KIF1B: variants seen among roughly 807,000 people sequenced by gnomAD.
KIF1B encodes kinesin-like protein KIF1B.
In KIF1B, 76 loss-of-function variants were observed where a neutral mutation model predicts 241.9. That is an observed-to-expected ratio of 0.31 (90% CI 0.26 to 0.38). The LOEUF is 0.38. Ranked by LOEUF, KIF1B falls within the 10% of genes least tolerant of loss-of-function variation. KIF1B has a pLI of 1.00. For missense variants in KIF1B, 1,622 were observed against 2,271.4 expected (o/e 0.71, Z 5.81); for synonymous variants, 750 against 796.7 (o/e 0.94, Z 0.99).
Position 10,285,473 on chromosome 1 carries a change from G to A in KIF1B, c.1434+2940G>A, listed in dbSNP as rs373961499. Reference sequence around the variant, plus strand: ...TCATTATTCAGGGAACTCTCCTTCCGACTTCCCTATGTCCCACTAAAGCAA... The same window carrying A: ...TCATTATTCAGGGAACTCTCCTTCCAACTTCCCTATGTCCCACTAAAGCAA... On this transcript the variant is annotated intron_variant, in intron 15 of 48. Coordinates refer to ENST00000676179, the MANE Select transcript of KIF1B (RefSeq NM_001365951.3). Among the ~76,000 whole-genome samples, 86 of 152,240 alleles carry A rather than the reference G, an allele frequency of 5.6e-4. 1 individual carries two copies. The highest frequency in any genetic ancestry group is 2.0e-3 in the African/African-American group (84 of 41,544).
intron 22 of KIF1B, chr1:10,306,187 A>T: frequency 9.6e-7 from 1 of 1,039,384 alleles, no homozygotes; most frequent in Non-Finnish European, 1.2e-6. Context: ...AAGCTTTGAG[A>T]GATATTTTTG....
intron 22 of KIF1B, 51 bp from the exon 23 acceptor site, chr1:10,319,991 GC>G (rs1651458320): frequency 8.5e-7 from 1 of 1,172,088 alleles, no homozygotes; most frequent in Admixed American, 1.8e-5. Flanking sequence ...CTCTTTCCCT[GC>G]CCTCTTATTT....
intron 25 of KIF1B, among the ~76,000 whole-genome samples, chr1:10,324,357 T>C (rs1317927133): frequency 6.6e-6 from 1 of 152,252 alleles, no homozygotes; most frequent in African/African-American, 2.4e-5. Flanking sequence ...TTGGAACTTA[T>C]TTATTTTTTC....
At chr1:10,212,857 T>C (rs1174273584) in intron 1 of KIF1B, among the ~76,000 whole-genome samples, 1 of 80,744 alleles carries the variant, frequency 1.2e-5, no homozygotes, top group African/African-American at 4.0e-5. Context: ...AAAAAATGTG[T>C]ATATATATAT....
intron 35 of KIF1B, among the ~76,000 whole-genome samples, chr1:10,347,165 CA>C (rs1364969244): frequency 6.6e-6 from 1 of 152,184 alleles, no homozygotes; most frequent in Non-Finnish European, 1.5e-5. Context: ...GGGGCTGTAT[CA>C]GTTAATATAA....
Position 10,260,849 on chromosome 1 carries a change from A to G in KIF1B, c.364-1056A>G, listed in dbSNP as rs1166286095. On this transcript the variant is annotated intron_variant, in intron 4 of 48. Coordinates refer to ENST00000676179, the MANE Select transcript of KIF1B (RefSeq NM_001365951.3). ...GCCATTGCACTCTAGCATGAGCAAC[A>G]AGAGTGAAACTCGGTCTCAAAAAAA... is the stretch of plus-strand genomic sequence containing the variant. 2.6e-5 allele frequency among the ~76,000 whole-genome samples: 4 copies of G among 151,688 alleles called. No homozygotes were observed. The East Asian group carries it at 7.7e-4, about 29-fold the overall frequency.
chr1:10,337,669 C>A lies in KIF1B; in HGVS notation c.3422+136C>A. On this transcript the variant is annotated intron_variant, in intron 31 of 48. Transcript: ENST00000676179. The surrounding 1 kb of genome is among the most constrained non-coding windows in gnomAD (Gnocchi z 4.0). ...ACTGATCAGTCTCTGAAGGAAAATA[C>A]TTTCATCACTCCTATGGGAGTGAGA... The A allele has an allele frequency of 1.0e-6, 1 of 991,162 alleles. No homozygotes were observed. The allele number at this position is 991,162 out of a possible 1,614,324, so 61.4% of individuals were successfully genotyped here.
chr1:10,310,099 TC>T (rs2102280697), intron 22 of KIF1B, among the ~76,000 whole-genome samples: 2 of 151,736 alleles, frequency 1.3e-5, no homozygotes, highest in Admixed American at 1.3e-4. Flanking sequence ...GTTTGGTTCT[TC>T]CACGAGAATG....
intron 15 of KIF1B, among the ~76,000 whole-genome samples, chr1:10,285,937 A>C (rs940270760): frequency 1.3e-5 from 2 of 152,210 alleles, no homozygotes; most frequent in African/African-American, 4.8e-5. Context: ...GACTTTAAAA[A>C]AGGTCAGTTG....
At chr1:10,212,910 A>G (rs865996543) in intron 1 of KIF1B, among the ~76,000 whole-genome samples, 10 of 117,848 alleles carry the variant, frequency 8.5e-5, no homozygotes, top group African/African-American at 1.4e-4. Context: ...ATATATATAT[A>G]TATATATATA....
chr1:10,214,088 T>C (rs554414871), intron 1 of KIF1B, among the ~76,000 whole-genome samples: 2 of 152,092 alleles, frequency 1.3e-5, no homozygotes, highest in African/African-American at 4.8e-5. Flanking sequence ...GACAGCGCCA[T>C]TGCACTCCAC....
chr1:10,329,866 T>A (rs928653712), intron 27 of KIF1B, among the ~76,000 whole-genome samples: 13 of 152,234 alleles, frequency 8.5e-5, no homozygotes, highest in African/African-American at 2.7e-4. Flanking sequence ...TATGGCATGC[T>A]GGGATGTTAT....
intron 27 of KIF1B, among the ~76,000 whole-genome samples, chr1:10,330,105 T>G (rs1001642318): frequency 6.6e-6 from 1 of 152,238 alleles, no homozygotes; most frequent in African/African-American, 2.4e-5. Flanking sequence ...CCTTTCCATA[T>G]TCCCCTCTCT....
chr1:10,270,039 C>G (rs1420746795), intron 7 of KIF1B, among the ~76,000 whole-genome samples: 1 of 152,062 alleles, frequency 6.6e-6, no homozygotes, highest in Non-Finnish European at 1.5e-5. Context: ...ATACTTTTGT[C>G]TAAACTTTCC....
intron 38 of KIF1B, chr1:10,355,489 C>T (rs1343503016): frequency 2.0e-5 from 3 of 152,534 alleles, no homozygotes; most frequent in Non-Finnish European, 4.4e-5. Flanking sequence ...TTGTAGTCCC[C>T]TCCCCATGTA....
chr1:10,369,732 C>T (rs886922127), intron 44 of KIF1B, among the ~76,000 whole-genome samples: 8 of 149,918 alleles, frequency 5.3e-5, no homozygotes, highest in African/African-American at 1.2e-4. Flanking sequence ...CGGGAGTTTG[C>T]GACCAGCCTG....
At chr1:10,281,847 A>G (rs1649419229) in intron 14 of KIF1B, among the ~76,000 whole-genome samples, 1 of 152,232 alleles carries the variant, frequency 6.6e-6, no homozygotes, top group Non-Finnish European at 1.5e-5. Context: ...TTGCTGAATT[A>G]CACGTAACAC....
chr1:10,352,617 A>C lies in KIF1B; in HGVS notation c.3950-14A>C. On this transcript the variant is annotated splice_polypyrimidine_tract_variant and intron_variant, in intron 37 of 48. Transcript: ENST00000676179. ...AATGTGTCCGTGCTCTGTTTTTTTTATCCTTTCTTTTAGGTCGTATTCGGA... is the reference window on the plus strand; with the variant it reads ...AATGTGTCCGTGCTCTGTTTTTTTTCTCCTTTCTTTTAGGTCGTATTCGGA... 1 of 1,602,982 alleles carries C rather than the reference A, an allele frequency of 6.2e-7. No homozygotes were observed. Among genetic ancestry groups the C allele is most frequent in the Non-Finnish European group, 8.5e-7 (1 of 1,170,236 alleles).
chr1:10,352,427 T>C (rs748247203), intron 37 of KIF1B, among the ~76,000 whole-genome samples: 1 of 152,234 alleles, frequency 6.6e-6, no homozygotes, highest in Non-Finnish European at 1.5e-5. Context: ...TGGGAAACTC[T>C]TTGAATAAAG....
Sources: gnomAD v4.1 joint callset for allele counts (sites outside exome capture counted in the v4.1 genomes callset) on GRCh38, gnomAD v4.1.1 for gene constraint, Gnocchi (gnomAD v3.1) non-coding constraint, MANE v1.5 for transcripts, NCBI Gene and HGNC (gene_info 2026-07-23, HGNC 2026-07-21) for gene names.